Variants in SUSD3 observed in about 807,000 individuals in gnomAD.
SUSD3 encodes sushi domain-containing protein 3.
In SUSD3, 18 loss-of-function variants were observed where a neutral mutation model predicts 20.6. The ratio of observed to expected loss-of-function variants is 0.87; its 90% CI spans 0.60 to 1.30. The LOEUF is 1.30. Among genes scored for constraint, SUSD3 ranks in the 50% most tolerant of loss-of-function variants. The pLI, the probability that SUSD3 is intolerant of heterozygous loss-of-function variation, is 0.00. For synonymous variants in SUSD3, 137 were observed against 141.5 expected (o/e 0.97, Z 0.23); for missense variants, 306 against 346.9 (o/e 0.88, Z 0.94).
At position 93,063,713 on chromosome 9, in the gene SUSD3, C is replaced by T. The variant is rs561379006; in HGVS notation, c.88+4883C>T. 3.9e-5 allele frequency among the ~76,000 whole-genome samples: 6 copies of T among 152,262 alleles called. No homozygotes were observed. In the South Asian group the frequency reaches 8.3e-4, roughly 21 times the overall value. The stretch of plus-strand genomic sequence containing the variant: ...AGCAAGGACTCACCCTACCCTCCCT[C>T]CTACCAGTTACTTCCCCCAGACCCT... On this transcript the variant is annotated intron_variant, in intron 1 of 4. Transcript: ENST00000375472.
At chr9:93,062,404 C>T (rs1825545016) in intron 1 of SUSD3, among the ~76,000 whole-genome samples, 2 of 152,240 alleles carry the variant, frequency 1.3e-5, no homozygotes, top group African/African-American at 4.8e-5. Flanking sequence ...GTAAGAAATG[C>T]CCCAGCACTA....
intron 1 of SUSD3, among the ~76,000 whole-genome samples, chr9:93,065,498 G>A (rs1353159728): frequency 1.3e-5 from 2 of 152,178 alleles, no homozygotes; most frequent in African/African-American, 2.4e-5. Context: ...CCTCCTCTCT[G>A]CAAGGGCCGC....
At chr9:93,063,052 G>A (rs1180906656) in intron 1 of SUSD3, among the ~76,000 whole-genome samples, 3 of 152,186 alleles carry the variant, frequency 2.0e-5, no homozygotes, top group African/African-American at 7.2e-5. Context: ...GCAGGTTTGT[G>A]GGCCTCAGTT....
chr9:93,070,496 A>G (rs1397682789), intron 1 of SUSD3, among the ~76,000 whole-genome samples: 1 of 152,244 alleles, frequency 6.6e-6, no homozygotes, highest in African/African-American at 2.4e-5. Context: ...ATAAAGAGCC[A>G]GGTGCCTGCG....
intron 4 of SUSD3, among the ~76,000 whole-genome samples, chr9:93,080,908 A>G (rs1043249927): frequency 3.3e-5 from 5 of 152,210 alleles, no homozygotes; most frequent in Non-Finnish European, 2.9e-5. Flanking sequence ...TTAGCATCAC[A>G]TGAACTCATG....
At chr9:93,072,202 C>T (rs1316764956) in intron 1 of SUSD3, among the ~76,000 whole-genome samples, 1 of 152,164 alleles carries the variant, frequency 6.6e-6, no homozygotes, top group Non-Finnish European at 1.5e-5. Context: ...AGCAAGTATC[C>T]TCAAGGCAGA....
Position 93,075,909 on chromosome 9 carries a change from C to T in SUSD3, c.214C>T (p.Leu72Phe). 3.7e-6 allele frequency: 6 copies of T among 1,613,944 alleles called. No homozygotes were observed. The highest frequency in any genetic ancestry group is 5.1e-6 in the Non-Finnish European group (6 of 1,179,910). ...CAACCACCAGATGGTGGGGTCTGGG[C>T]TCCTCACCTGCACCTGGAAGGGGAG... is the stretch of plus-strand genomic sequence containing the variant. Reference protein sequence around the residue: ...PSNHQMVGSGLLTCTWKGSIA... With the variant: ...PSNHQMVGSGFLTCTWKGSIA... Residue 72 changes from leucine to phenylalanine, a missense_variant, in exon 2 of 5, where the codon CTC becomes TTC. By Grantham distance (22) the Leu-to-Phe change is conservative. Transcript: ENST00000375472.
chr9:93,079,337 C>A, intron 3 of SUSD3, 134 bp from the exon 4 acceptor site: 1 of 943,854 alleles, frequency 1.1e-6, no homozygotes, highest in African/African-American at 1.7e-5. Flanking sequence ...ACATCCACTG[C>A]CCAGCTCTTT....
chr9:93,066,079 C>T (rs1825699407), intron 1 of SUSD3, among the ~76,000 whole-genome samples: 1 of 152,214 alleles, frequency 6.6e-6, no homozygotes, highest in African/African-American at 2.4e-5. Flanking sequence ...CCACCATGCC[C>T]TCCATCCCCC....
Position 93,075,800 on chromosome 9 carries a change from G to A in SUSD3, c.105G>A (p.Leu35=), listed in dbSNP as rs749328374. The part of the protein sequence containing the change: ...PGNRTGTCAK[L]RLPPQATFQV... ...TCTCCCCAGGCACGTGCGCTAAGCT[G>A]CGGCTACCCCCGCAAGCAACCTTCC... The change falls in exon 2 of 5, where the codon CTG becomes CTA. Residue 35 remains leucine (L), a synonymous_variant. Coordinates refer to ENST00000375472, the MANE Select transcript of SUSD3 (RefSeq NM_145006.4). 4 of 1,552,704 alleles carry A rather than the reference G, an allele frequency of 2.6e-6. No individual in the cohort carries two copies. The South Asian group carries it at 4.4e-5, about 17-fold the overall frequency.
chr9:93,069,274 A>G lies in SUSD3; in HGVS notation c.89-6510A>G, dbSNP rs1825827688. The G allele has an allele frequency of 1.5e-5, 9 of 603,820 alleles. No individual in the cohort carries two copies. The East Asian group carries it at 2.2e-4, about 15-fold the overall frequency. The allele number at this position is 603,820 out of a possible 1,614,324, so 37.4% of individuals were successfully genotyped here. On this transcript the variant is annotated intron_variant, in intron 1 of 4. Coordinates refer to ENST00000375472, the MANE Select transcript of SUSD3 (RefSeq NM_145006.4). Reference sequence around the variant, plus strand: ...GGGTTATCAGACCCCCTGATACTGCAGTGCTTGTGTTCAGGCAACTCTCAT... The same window carrying G: ...GGGTTATCAGACCCCCTGATACTGCGGTGCTTGTGTTCAGGCAACTCTCAT...
Position 93,084,758 on chromosome 9 carries a change from A to T in SUSD3, c.*11A>T. On this transcript the variant is annotated 3_prime_UTR_variant, in exon 5 of 5. Transcript: ENST00000375472. ...TATGCCCTAGGGTGACCACGCAGTG[A>T]GGCTGGTGCCCATGCTCCACACTGG... 1.4e-6 allele frequency: 2 copies of T among 1,475,908 alleles called. No individual in the cohort carries two copies. The highest frequency in any genetic ancestry group is 2.8e-5 in the African/African-American group (2 of 70,178). The allele number at this position is 1,475,908 out of a possible 1,614,324, so 91.4% of individuals were successfully genotyped here.
rs149019060 is a variant in SUSD3, at chr9:93,084,406, C to T, written c.558-131C>T. 1.2e-3 allele frequency: 938 copies of T among 763,236 alleles called. 5 individuals are homozygous for T. The African/African-American group carries it at 0.015, about 12-fold the overall frequency. 47.3% of individuals were successfully genotyped at this position (763,236 alleles called of 1,614,324 possible). ...CAGGGCAGCTCCCAGCAGGAGGAAACGGGCTCCCCAGTGCTCAGGGCAGCA... is the reference window on the plus strand; with the variant it reads ...CAGGGCAGCTCCCAGCAGGAGGAAATGGGCTCCCCAGTGCTCAGGGCAGCA... On this transcript the variant is annotated intron_variant, in intron 4 of 4. Transcript: ENST00000375472.
intron 1 of SUSD3, among the ~76,000 whole-genome samples, chr9:93,060,840 A>T (rs1825475587): frequency 6.6e-6 from 1 of 152,158 alleles, no homozygotes; most frequent in African/African-American, 2.4e-5. Flanking sequence ...CTGTCTCAAA[A>T]CAAAACAAAA....
In SUSD3 at chr9:93,075,868, T is replaced by G. The variant is rs768614143; in HGVS notation, c.173T>G (p.Met58Arg). The G allele has an allele frequency of 1.9e-6, 3 of 1,613,786 alleles. No homozygotes were observed. Among genetic ancestry groups the G allele is most frequent in the Non-Finnish European group, 2.5e-6 (3 of 1,179,946 alleles). The change falls in exon 2 of 5, where the codon ATG becomes AGG. Residue 58 changes from methionine to arginine, a missense_variant. Physicochemically the swap from Met to Arg is moderately conservative, Grantham distance 91. Coordinates refer to ENST00000375472, the MANE Select transcript of SUSD3 (RefSeq NM_145006.4). ...GNGASVGTVL[M>R]FRCPSNHQMV... is the part of the protein sequence containing the mutation. ...GGTGCTTCCGTGGGGACCGTGCTCA[T>G]GTTCCGCTGCCCCTCCAACCACCAG... is the stretch of plus-strand genomic sequence containing the variant.
At chr9:93,074,183 G>A (rs568655225) in intron 1 of SUSD3, among the ~76,000 whole-genome samples, 7 of 152,126 alleles carry the variant, frequency 4.6e-5, no homozygotes, top group East Asian at 3.9e-4. Context: ...GGTGGCTCAC[G>A]TCTGTAATCC....
chr9:93,074,032 G>A (rs983485442), intron 1 of SUSD3, among the ~76,000 whole-genome samples: 1 of 152,210 alleles, frequency 6.6e-6, no homozygotes, highest in Non-Finnish European at 1.5e-5. Flanking sequence ...GATGGCACAT[G>A]TAAGGCAGGT....
Position 93,077,978 on chromosome 9 carries a change from G to A in SUSD3, c.410G>A (p.Arg137Gln), listed in dbSNP as rs1398548304. 17 of 1,614,172 alleles carry A rather than the reference G, an allele frequency of 1.1e-5. 1 individual carries two copies. Among genetic ancestry groups the A allele is most frequent in the South Asian group, 9.9e-5 (9 of 91,088 alleles). The change falls in exon 3 of 5, where the codon CGG (arginine) becomes CAG (glutamine). Residue 137 changes from arginine (R) to glutamine (Q), a missense_variant. Transcript: ENST00000375472. ...CTCAAGTGCGTGAAGAAGAGCAAGC[G>A]GCGGCGCTCCAACAGGTACGGTGGC... ...CLLKCVKKSK[R>Q]RRSNRSAQLW...
intron 1 of SUSD3, among the ~76,000 whole-genome samples, chr9:93,066,345 T>C (rs1825710161): frequency 6.6e-6 from 1 of 152,220 alleles, no homozygotes; most frequent in Admixed American, 6.5e-5. Context: ...GGGATTCTTC[T>C]GTCTCAGCCT....
Sources: gnomAD v4.1 joint callset for allele counts (sites outside exome capture counted in the v4.1 genomes callset) on GRCh38, gnomAD v4.1.1 for gene constraint, MANE v1.5 for transcripts, NCBI Gene and HGNC (gene_info 2026-07-23, HGNC 2026-07-21) for gene names.